The following SMAP1 variants were observed in gnomAD, a reference collection of about 807,000 sequenced individuals.
SMAP1 encodes small ArfGAP 1, also known as stromal membrane-associated protein 1.
SMAP1 carries 24 observed loss-of-function variants against 58.5 expected under a neutral mutation model. The ratio of observed to expected loss-of-function variants is 0.41; its 90% confidence interval spans 0.30 to 0.58. The LOEUF is 0.58. Ranked by LOEUF, SMAP1 falls within the 20% of genes least tolerant of loss-of-function variation. SMAP1 has a pLI of 0.29. For synonymous variants in SMAP1, 216 were observed against 196.6 expected (o/e 1.10, Z -0.82); for missense variants, 563 against 566.3 (o/e 0.99, Z 0.06).
chr6:70,775,141 T>G (rs1403902895), intron 4 of SMAP1, among the ~76,000 whole-genome samples: 1 of 152,176 alleles, frequency 6.6e-6, no homozygotes, highest in African/African-American at 2.4e-5. Context: ...GATTAAAAAT[T>G]GACAGTATTG....
chr6:70,673,302 G>T (rs1766344183), intron 1 of SMAP1, among the ~76,000 whole-genome samples: 1 of 152,194 alleles, frequency 6.6e-6, no homozygotes, highest in African/African-American at 2.4e-5. Flanking sequence ...GGCCTATGGA[G>T]CTGCAACCAC....
chr6:70,836,563 C>T (rs1367047650), intron 6 of SMAP1, among the ~76,000 whole-genome samples: 1 of 152,012 alleles, frequency 6.6e-6, no homozygotes, highest in Non-Finnish European at 1.5e-5. Context: ...ACGGGATCTA[C>T]AAGATGAAAT....
intron 1 of SMAP1, among the ~76,000 whole-genome samples, chr6:70,717,315 C>T (rs1163843675): frequency 6.6e-6 from 1 of 152,196 alleles, no homozygotes; most frequent in Non-Finnish European, 1.5e-5. Context: ...TCTTTGTTGT[C>T]CACAGTTCAG....
At chr6:70,771,554 C>T (rs1395935970) in intron 3 of SMAP1, among the ~76,000 whole-genome samples, 1 of 152,220 alleles carries the variant, frequency 6.6e-6, no homozygotes, top group East Asian at 1.9e-4. Flanking sequence ...ACCCTCCGAG[C>T]CAGGTGTGGG....
At chr6:70,830,786 T>C (rs992192640) in intron 6 of SMAP1, among the ~76,000 whole-genome samples, 4 of 152,194 alleles carry the variant, frequency 2.6e-5, no homozygotes, top group African/African-American at 9.7e-5. Context: ...CTGTTGTTCC[T>C]CTCTACACAT....
At chr6:70,818,163 G>A (rs1396995203) in intron 6 of SMAP1, among the ~76,000 whole-genome samples, 2 of 151,804 alleles carry the variant, frequency 1.3e-5, no homozygotes, top group Admixed American at 1.3e-4. Context: ...GGAGGTTGAG[G>A]CGGGCGGATT....
At chr6:70,762,403 T>C (rs1766788604) in intron 3 of SMAP1, among the ~76,000 whole-genome samples, 1 of 152,152 alleles carries the variant, frequency 6.6e-6, no homozygotes, top group Non-Finnish European at 1.5e-5. Context: ...TCTGGGCCTT[T>C]AAGGAAAAGT....
At chr6:70,799,049 T>C (rs1035728086) in intron 6 of SMAP1, among the ~76,000 whole-genome samples, 1 of 152,080 alleles carries the variant, frequency 6.6e-6, no homozygotes, top group Non-Finnish European at 1.5e-5. Flanking sequence ...TTTTAGAGAA[T>C]GAAGAGAACA....
At chr6:70,681,821 A>G (rs1766722224) in intron 1 of SMAP1, among the ~76,000 whole-genome samples, 1 of 152,160 alleles carries the variant, frequency 6.6e-6, no homozygotes, top group African/African-American at 2.4e-5. Context: ...AATCTTTAGA[A>G]CATCAGGTTT....
chr6:70,858,474 C>T (rs1477675119), intron 10 of SMAP1: 1 of 352,844 alleles, frequency 2.8e-6, no homozygotes, highest in Non-Finnish European at 5.0e-6. Flanking sequence ...TCTTTCATTT[C>T]AAATTGTAAT....
intron 6 of SMAP1, among the ~76,000 whole-genome samples, chr6:70,818,798 C>A (rs1769754809): frequency 6.6e-6 from 1 of 152,206 alleles, no homozygotes; most frequent in Admixed American, 6.5e-5. Flanking sequence ...TACAGGAGAA[C>A]TGTGCTAGTA....
chr6:70,703,805 C>T lies in SMAP1; in HGVS notation c.119-28573C>T, dbSNP rs369466796. The stretch of plus-strand genomic sequence containing the variant: ...CCTTATGAAATTCAGCCACCTTAGT[C>T]TCTGTGAACTCCTAGATCCATTTCC... On this transcript the variant is annotated intron_variant, in intron 1 of 10. Coordinates refer to ENST00000370455, the MANE Select transcript of SMAP1 (RefSeq NM_001044305.3). 1.6e-4 allele frequency among the ~76,000 whole-genome samples: 25 copies of T among 152,318 alleles called. No homozygotes were observed. In the East Asian group the frequency reaches 4.8e-3, roughly 29 times the overall value.
chr6:70,778,852 G>T (rs1046542442), intron 4 of SMAP1, among the ~76,000 whole-genome samples: 1 of 152,204 alleles, frequency 6.6e-6, no homozygotes, highest in Non-Finnish European at 1.5e-5. Context: ...CTCTAACCAA[G>T]CCCTTCCTTG....
chr6:70,793,704 ATTTTAT>A, intron 5 of SMAP1, among the ~76,000 whole-genome samples: 1 of 151,460 alleles, frequency 6.6e-6, no homozygotes, highest in Admixed American at 6.6e-5. Context: ...CTATGTCTTT[ATTTTAT>A]TTTTATTTAT....
intron 4 of SMAP1, among the ~76,000 whole-genome samples, chr6:70,790,380 C>T (rs930202933): frequency 6.6e-6 from 1 of 152,152 alleles, no homozygotes. Flanking sequence ...CTCAAGTGAT[C>T]TGCGTGCCTT....
In SMAP1 at chr6:70,798,746, C is replaced by G. The variant is rs778615763; in HGVS notation, c.576+9C>G. ...CACTTACAGCTGAAAAGGTAAAATTCTTTTTTTAAAAATAATCTATTAGGA... is the reference window on the plus strand; with the variant it reads ...CACTTACAGCTGAAAAGGTAAAATTGTTTTTTTAAAAATAATCTATTAGGA... On this transcript the variant is annotated intron_variant, in intron 6 of 10. Transcript: ENST00000370455. 4 of 1,538,252 alleles carry G rather than the reference C, an allele frequency of 2.6e-6. No individual in the cohort carries two copies. The highest frequency in any genetic ancestry group is 2.6e-6 in the Non-Finnish European group (3 of 1,143,904).
intron 1 of SMAP1, among the ~76,000 whole-genome samples, chr6:70,720,270 A>G (rs1364068502): frequency 1.3e-5 from 2 of 152,118 alleles, no homozygotes; most frequent in African/African-American, 2.4e-5. Flanking sequence ...AATGATCTCC[A>G]TGAGTGCAGG....
chr6:70,854,050 G>A (rs551390440), intron 8 of SMAP1, among the ~76,000 whole-genome samples: 2 of 152,292 alleles, frequency 1.3e-5, no homozygotes, highest in East Asian at 3.9e-4. Context: ...GCAGCAAGTA[G>A]AACAATGCAG....
chr6:70,830,241 T>C (rs1161182385), intron 6 of SMAP1, among the ~76,000 whole-genome samples: 2 of 152,184 alleles, frequency 1.3e-5, no homozygotes, highest in East Asian at 1.9e-4. Flanking sequence ...CAGCAGAATT[T>C]AAAGTGGAGT....
Sources: allele counts gnomAD v4.1 joint callset (sites outside exome capture counted in the v4.1 genomes callset), GRCh38; gene constraint gnomAD v4.1.1; transcripts MANE v1.5; gene names NCBI Gene and HGNC (gene_info 2026-07-23, HGNC 2026-07-21).